Variants in CCDC178 observed in about 807,000 individuals in gnomAD.
The protein encoded by CCDC178 is coiled-coil domain-containing protein 178.
Under a neutral mutation model 117.4 loss-of-function variants are expected in CCDC178, and 126 were observed. The observed-to-expected ratio is 1.07, with a 90% CI of 0.93 to 1.24. CCDC178 has a LOEUF of 1.24. Ranked by LOEUF, CCDC178 falls within the 50% of genes most tolerant of loss-of-function variation. The pLI, the probability that CCDC178 is intolerant of heterozygous loss-of-function variation, is 0.00. For missense variants in CCDC178, 1,030 were observed against 986.9 expected, an observed-to-expected ratio of 1.04 and a Z score of -0.59; for synonymous variants, 283 against 313.4, an observed-to-expected ratio of 0.90 and a Z score of 1.02.
chr18:33,060,866 AAAGC>A (rs1234348132), intron 21 of CCDC178, among the ~76,000 whole-genome samples: 1 of 152,164 alleles, frequency 6.6e-6, no homozygotes, highest in Admixed American at 6.5e-5. Flanking sequence ...ACAAGGCACA[AAAGC>A]AAGAAAGAAC....
intron 21 of CCDC178, among the ~76,000 whole-genome samples, chr18:33,019,677 C>T (rs950710619): frequency 6.6e-6 from 1 of 152,096 alleles, no homozygotes; most frequent in African/African-American, 2.4e-5. Flanking sequence ...TGGAGTGTTA[C>T]TTCCTTCCAT....
chr18:33,164,951 G>T (rs2058511469), intron 20 of CCDC178, among the ~76,000 whole-genome samples: 1 of 152,116 alleles, frequency 6.6e-6, no homozygotes, highest in African/African-American at 2.4e-5. Flanking sequence ...TGGTCATTTT[G>T]GTGTATTAGT....
intron 21 of CCDC178, among the ~76,000 whole-genome samples, chr18:33,014,377 A>G (rs1310914094): frequency 6.6e-6 from 1 of 152,254 alleles, no homozygotes; most frequent in Admixed American, 6.5e-5. Flanking sequence ...AGTTTCCTGA[A>G]GAAGTGACAC....
intron 20 of CCDC178, among the ~76,000 whole-genome samples, chr18:33,167,246 T>C (rs1170068698): frequency 2.0e-5 from 3 of 152,306 alleles, no homozygotes; most frequent in African/African-American, 7.2e-5. Flanking sequence ...AACATATGCA[T>C]GCATGTGTCT....
chr18:32,992,994 C>T (rs191280262), intron 21 of CCDC178, among the ~76,000 whole-genome samples: 4 of 152,070 alleles, frequency 2.6e-5, no homozygotes, highest in African/African-American at 7.2e-5. Flanking sequence ...GGTGAAGCCC[C>T]GTCTCTGCTA....
At chr18:33,013,370 T>C (rs1440279422) in intron 21 of CCDC178, among the ~76,000 whole-genome samples, 1 of 152,136 alleles carries the variant, frequency 6.6e-6, no homozygotes, top group Non-Finnish European at 1.5e-5. Flanking sequence ...ACTATTTACC[T>C]TTTCCAAGTT....
At chr18:33,228,694 C>T (rs16964454) in intron 15 of CCDC178, among the ~76,000 whole-genome samples, 13,922 of 152,250 alleles carry the variant, frequency 0.091, 791 homozygotes, top group African/African-American at 0.16. Context: ...GTGATCCAGA[C>T]AGCCAGGTTA....
In CCDC178 at chr18:33,195,127, AAGAG is replaced by A. The variant is rs537974531; in HGVS notation, c.2238+16765_2238+16768del. ...GCAAGGCACTGTCTCTTAAAAAAAA[AAGAG>A]AGAGAGAGAGAGAGAAGAAAAAAGA... On this transcript the variant is annotated intron_variant, in intron 20 of 22. Coordinates refer to ENST00000383096, the MANE Select transcript of CCDC178 (RefSeq NM_001105528.4). 1.8e-3 allele frequency among the ~76,000 whole-genome samples: 261 copies of A among 143,164 alleles called. 1 individual carries two copies. The highest frequency in any genetic ancestry group is 2.5e-3 in the Non-Finnish European group (164 of 66,560). The allele number at this position is 143,164 out of a possible 152,430, so 93.9% of individuals were successfully genotyped here.
chr18:33,031,074 A>C (rs1352648300), intron 21 of CCDC178, among the ~76,000 whole-genome samples: 3 of 152,150 alleles, frequency 2.0e-5, no homozygotes, highest in Admixed American at 6.6e-5. Flanking sequence ...TTTTAGGATT[A>C]AAATTGACTC....
rs1314138555 is a variant in CCDC178 at position 33,211,920 on chromosome 18, T to C, written c.2214A>G (p.Arg738=). 1 of 1,605,440 alleles carries C rather than the reference T, an allele frequency of 6.2e-7. No individual in the cohort carries two copies. Among genetic ancestry groups the C allele is most frequent in the Non-Finnish European group, 8.5e-7 (1 of 1,177,146 alleles). ...CTTGGGTATCTTGAAGAGTTTTTTGTCTTACAGCAAGGAGCACTCTAAATC... is the reference window on the plus strand; with the variant it reads ...CTTGGGTATCTTGAAGAGTTTTTTGCCTTACAGCAAGGAGCACTCTAAATC... The part of the protein sequence containing the change: ...DQRFRVLLAV[R]QKTLQDTQKI... Residue 738 remains arginine (R), a synonymous_variant, in exon 20 of 23, where the codon AGA becomes AGG. Coordinates refer to ENST00000383096, the MANE Select transcript of CCDC178 (RefSeq NM_001105528.4).
chr18:33,119,699 G>C (rs1218261723), intron 20 of CCDC178, among the ~76,000 whole-genome samples: 1 of 152,106 alleles, frequency 6.6e-6, no homozygotes, highest in Admixed American at 6.6e-5. Context: ...ATACCCAAAG[G>C]ATTATCAATC....
intron 15 of CCDC178, among the ~76,000 whole-genome samples, chr18:33,241,932 T>C (rs2059492664): frequency 6.6e-6 from 1 of 151,756 alleles, no homozygotes; most frequent in African/African-American, 2.4e-5. Flanking sequence ...AAAATGTGTA[T>C]GGAACCCCAA....
At chr18:33,061,899 G>T (rs2056928200) in intron 21 of CCDC178, among the ~76,000 whole-genome samples, 1 of 151,842 alleles carries the variant, frequency 6.6e-6, no homozygotes, top group Non-Finnish European at 1.5e-5. Context: ...TATCAATGGG[G>T]GATTTTACCT....
At chr18:33,031,496 G>A (rs936614041) in intron 21 of CCDC178, among the ~76,000 whole-genome samples, 2 of 151,900 alleles carry the variant, frequency 1.3e-5, no homozygotes, top group Non-Finnish European at 2.9e-5. Context: ...TCTTAATTCA[G>A]TGACATGTAT....
At chr18:33,425,767 G>A (rs80056262) in intron 2 of CCDC178, among the ~76,000 whole-genome samples, 159 of 152,192 alleles carry the variant, frequency 1.0e-3, no homozygotes, top group African/African-American at 2.9e-3. Flanking sequence ...ATGATACTGG[G>A]GCTGATGGGG....
chr18:33,320,973 A>T (rs1219392370), intron 11 of CCDC178, among the ~76,000 whole-genome samples: 1 of 152,242 alleles, frequency 6.6e-6, no homozygotes, highest in Non-Finnish European at 1.5e-5. Context: ...AAACCTGACA[A>T]AAACAAGAAA....
At chr18:33,177,635 A>G (rs1156921188) in intron 20 of CCDC178, among the ~76,000 whole-genome samples, 1 of 152,140 alleles carries the variant, frequency 6.6e-6, no homozygotes, top group African/African-American at 2.4e-5. Flanking sequence ...ATTTCTGTCG[A>G]CTAATTTCCC....
chr18:33,252,098 G>C (rs950186832), intron 14 of CCDC178, among the ~76,000 whole-genome samples: 1 of 151,764 alleles, frequency 6.6e-6, no homozygotes, highest in African/African-American at 2.4e-5. Context: ...GTTAGAAAAA[G>C]AGGTATTGGT....
chr18:33,155,439 C>A (rs935786918), intron 20 of CCDC178, among the ~76,000 whole-genome samples: 5 of 151,946 alleles, frequency 3.3e-5, no homozygotes, highest in Non-Finnish European at 7.4e-5. Context: ...TAAATTTTTA[C>A]TTTAAGAAGC....
Sources: allele counts gnomAD v4.1 joint callset (sites outside exome capture counted in the v4.1 genomes callset), GRCh38; gene constraint gnomAD v4.1.1; transcripts MANE v1.5; gene names NCBI Gene and HGNC (gene_info 2026-07-23, HGNC 2026-07-21).